Variants in GCDH observed in about 807,000 individuals in gnomAD.
The protein encoded by GCDH is glutaryl-CoA dehydrogenase, also known as glutaryl-CoA dehydrogenase, mitochondrial.
In GCDH, 31 loss-of-function variants were observed where a neutral mutation model predicts 52.8. The observed-to-expected ratio is 0.59, with a 90% confidence interval of 0.44 to 0.79. The LOEUF is 0.79. Among genes scored for constraint, GCDH ranks in the 30% least tolerant of loss-of-function variants. The probability of loss-of-function intolerance (pLI) is 0.00; values close to 1 mark genes in which losing one functional copy is unlikely to be tolerated. For missense variants in GCDH, 509 were observed against 595.0 expected (o/e 0.86, Z 1.50); for synonymous variants, 242 against 250.0 (o/e 0.97, Z 0.30).
At chr19:12,894,306 A>C in intron 6 of GCDH, 1 of 812,290 alleles carries the variant, frequency 1.2e-6, no homozygotes, top group Non-Finnish European at 2.2e-6. Context: ...GGAACAATAA[A>C]CAAGGTTTCC....
At chr19:12,898,426 C>A (rs777485411) in intron 11 of GCDH, 2 of 159,796 alleles carry the variant, frequency 1.3e-5, no homozygotes, top group Non-Finnish European at 2.8e-5. Flanking sequence ...TATGAGGACC[C>A]CCCGGGCAGA....
intron 9 of GCDH, 33 bp downstream of exon 9, chr19:12,897,046 G>T: frequency 1.9e-6 from 3 of 1,545,130 alleles, no homozygotes; most frequent in Non-Finnish European, 2.7e-6. Context: ...TTCTCTGGGG[G>T]TGTGGGGCAG....
Position 12,896,422 on chromosome 19 carries a change from G to A in GCDH, c.852+1G>A, listed in dbSNP as rs1367214521. ...GCTCCCTGGTGCATCCAGCCTGGGG[G>A]TAAGTGGCAGCCACTTTGGGAATGG... On this transcript the variant is annotated splice_donor_variant, in intron 8 of 11. Coordinates refer to ENST00000222214, the MANE Select transcript of GCDH (RefSeq NM_000159.4). LOFTEE classifies it high-confidence loss of function. This position sits in a 1 kb window ranked among gnomAD's most constrained non-coding sequence, Gnocchi z 5.5. 6.2e-7 allele frequency: 1 copy of A among 1,610,502 alleles called. No homozygotes were observed. Among genetic ancestry groups the A allele is most frequent in the Non-Finnish European group, 8.5e-7 (1 of 1,178,138 alleles).
chr19:12,892,886 T>C (rs1970592671), intron 5 of GCDH, among the ~76,000 whole-genome samples: 1 of 150,434 alleles, frequency 6.6e-6, no homozygotes, highest in Non-Finnish European at 1.5e-5. Context: ...TTTCTTTTTT[T>C]TTTTTTTTTG....
At chr19:12,897,108 G>C (rs777045672) in intron 9 of GCDH, 95 bp downstream of exon 9, 25 of 1,207,872 alleles carry the variant, frequency 2.1e-5, no homozygotes, top group Non-Finnish European at 2.9e-5. Context: ...CCACCCACCA[G>C]GCCTGAGTTC....
chr19:12,896,170 C>T lies in GCDH; in HGVS notation c.636-35C>T, dbSNP rs1440243697. The T allele has an allele frequency of 1.2e-6, 2 of 1,613,970 alleles. No individual in the cohort carries two copies. The highest frequency in any genetic ancestry group is 2.2e-5 in the South Asian group (2 of 91,072). ...GGTGGTGAACAGGGGCAAAGGGGCA[C>T]TGGTCAGACCCCTCACCGACTGTTC... On this transcript the variant is annotated intron_variant, in intron 7 of 11. Transcript: ENST00000222214. The surrounding 1 kb of genome is among the most constrained non-coding windows in gnomAD (Gnocchi z 5.5).
At position 12,896,713 on chromosome 19, in the gene GCDH, G is replaced by A. The variant is rs1970689829; in HGVS notation, c.853-197G>A. On this transcript the variant is annotated intron_variant, in intron 8 of 11. Coordinates refer to ENST00000222214, the MANE Select transcript of GCDH (RefSeq NM_000159.4). The surrounding 1 kb of genome is among the most constrained non-coding windows in gnomAD (Gnocchi z 5.5). ...CTCTGAGCATCGAACCCAGATGCCA[G>A]GCTGGGTGGGACTGTGTGCAAACCG... is the stretch of plus-strand genomic sequence containing the variant. Among the ~76,000 whole-genome samples the A allele has an allele frequency of 6.6e-6, 1 of 152,216 alleles. No homozygotes were observed. The highest frequency in any genetic ancestry group is 6.5e-5 in the Admixed American group (1 of 15,282).
intron 9 of GCDH, 51 bp from the exon 10 acceptor site, chr19:12,897,252 G>A (rs1970703805): frequency 6.2e-7 from 1 of 1,611,702 alleles, no homozygotes; most frequent in African/African-American, 1.3e-5. Flanking sequence ...GACAGGGACG[G>A]GGTGGGAGAG....
rs918232468 is a variant in GCDH, at chr19:12,894,105, T to C, written c.505+452T>C. 17 of 997,450 alleles carry C rather than the reference T, an allele frequency of 1.7e-5. No homozygotes were observed. In the African/African-American group the frequency reaches 2.8e-4, roughly 16 times the overall value. 61.8% of individuals were successfully genotyped at this position (997,450 alleles called of 1,614,324 possible). On this transcript the variant is annotated intron_variant, in intron 6 of 11. Transcript: ENST00000222214. ...AGTGGACGTTGGCCCTCTTCCGTGG[T>C]GTCTCGGAGGTGTTCAGCTGCTTCA...
rs1568429153 is a variant in GCDH, at chr19:12,897,744, G to A, written c.1124G>A (p.Cys375Tyr). ...EMVSLLKRNN[C>Y]GKALDIARQA... Reference sequence around the variant, plus strand: ...GTTTCTCTGCTGAAGAGGAATAACTGTGGGAAAGCCCTGGACATCGCCCGC... The same window carrying A: ...GTTTCTCTGCTGAAGAGGAATAACTATGGGAAAGCCCTGGACATCGCCCGC... Residue 375 changes from cysteine (C) to tyrosine (Y), a missense_variant, in exon 11 of 12, where the codon TGT (cysteine) becomes TAT (tyrosine). Coordinates refer to ENST00000222214, the MANE Select transcript of GCDH (RefSeq NM_000159.4). 2 of 1,614,130 alleles carry A rather than the reference G, an allele frequency of 1.2e-6. No individual in the cohort carries two copies. The highest frequency in any genetic ancestry group is 1.7e-6 in the Non-Finnish European group (2 of 1,179,992).
intron 6 of GCDH, chr19:12,894,755 G>A: frequency 1.2e-6 from 1 of 833,964 alleles, no homozygotes; most frequent in Non-Finnish European, 1.8e-6. Context: ...AGAGGCTGCA[G>A]AATATGCTAA....
chr19:12,897,220 G>A (rs1246520445), intron 9 of GCDH, 83 bp from the exon 10 acceptor site: 44 of 1,570,986 alleles, frequency 2.8e-5, no homozygotes, highest in Admixed American at 5.2e-5. Context: ...CTGGGAAGGC[G>A]TCCTGGAGCA....
chr19:12,899,333 G>A (rs200750801), intron 11 of GCDH, 135 bp from the exon 12 acceptor site: 148 of 1,613,082 alleles, frequency 9.2e-5, no homozygotes, highest in Middle Eastern at 1.6e-4. Flanking sequence ...TGAGTCTCCC[G>A]GCAGCTGTCA....
chr19:12,898,578 G>A (rs1291058118), intron 11 of GCDH, among the ~76,000 whole-genome samples: 3 of 151,114 alleles, frequency 2.0e-5, no homozygotes, highest in Non-Finnish European at 2.9e-5. Context: ...GACAAGCAGC[G>A]GGCGCCATGA....
chr19:12,891,614 CCGAGCGGGG>C, intron 3 of GCDH, 92 bp downstream of exon 3: 2 of 1,612,154 alleles, frequency 1.2e-6, no homozygotes, highest in East Asian at 4.5e-5. Flanking sequence ...CGAGAGCTGC[CCGAGCGGGG>C]TGGCAGGGTC....
chr19:12,891,750 G>C (rs943857937), intron 3 of GCDH, 81 bp from the exon 4 acceptor site: 68 of 1,607,600 alleles, frequency 4.2e-5, no homozygotes, highest in Non-Finnish European at 5.8e-5. Context: ...CATGGGTGTT[G>C]GGGGGTAGGG....
At chr19:12,894,292 G>C in intron 6 of GCDH, 1 of 838,908 alleles carries the variant, frequency 1.2e-6, no homozygotes, top group South Asian at 1.3e-5. Context: ...CGGAATCAGT[G>C]GTGGGAACAA....
rs1568427521 is a variant in GCDH at position 12,896,099 on chromosome 19, A to G, written c.613A>G (p.Thr205Ala). ...AHYNSSNKSYTLNGTKTWITN... is the reference protein window; with the variant it reads ...AHYNSSNKSYALNGTKTWITN... ...CTACAACTCATCCAACAAGAGCTAC[A>G]CCCTCAATGGGACCAAGACCTGGTA... Residue 205 changes from threonine (T) to alanine (A), a missense_variant, in exon 7 of 12, where the codon ACC (threonine) becomes GCC (alanine). Thr to Ala is a moderately conservative substitution (Grantham distance 58). Transcript: ENST00000222214. The surrounding 1 kb of genome is among the most constrained non-coding windows in gnomAD (Gnocchi z 5.5). The G allele has an allele frequency of 6.2e-7, 1 of 1,613,888 alleles. No homozygotes were observed. The highest frequency in any genetic ancestry group is 1.1e-5 in the South Asian group (1 of 91,058).
At chr19:12,895,526 G>T (rs1280045129) in intron 6 of GCDH, among the ~76,000 whole-genome samples, 3 of 151,976 alleles carry the variant, frequency 2.0e-5, no homozygotes, top group African/African-American at 7.3e-5. Context: ...CTCCCAAAGT[G>T]CTGAGATTAC....
Sources: gnomAD v4.1 joint callset for allele counts (sites outside exome capture counted in the v4.1 genomes callset) on GRCh38, gnomAD v4.1.1 for gene constraint, Gnocchi (gnomAD v3.1) non-coding constraint, MANE v1.5 for transcripts, NCBI Gene and HGNC (gene_info 2026-07-23, HGNC 2026-07-21) for gene names.